The following KIF1B variants were observed in gnomAD, a reference collection of about 807,000 sequenced individuals.
The protein encoded by KIF1B is kinesin family member 1B, also known as kinesin-like protein KIF1B.
A neutral mutation model predicts 241.9 loss-of-function variants in KIF1B; 76 were observed. The observed-to-expected ratio is 0.31, with a 90% confidence interval of 0.26 to 0.38. The LOEUF is 0.38. Ranked by LOEUF, KIF1B falls within the 10% of genes least tolerant of loss-of-function variation. The probability of loss-of-function intolerance (pLI) is 1.00; values close to 1 mark genes in which losing one functional copy is unlikely to be tolerated. For missense variants in KIF1B, 1,622 were observed against 2,271.4 expected (o/e 0.71, Z 5.81); for synonymous variants, 750 against 796.7 (o/e 0.94, Z 0.99).
rs949742159 is a variant in KIF1B at position 10,365,754 on chromosome 1, G to T, written c.4752+106G>T. ...CTTTGTTCGAGGTGTTTGAAGGCCTGTGATAATACTGTGAATGTAGAAATA... is the reference window on the plus strand; with the variant it reads ...CTTTGTTCGAGGTGTTTGAAGGCCTTTGATAATACTGTGAATGTAGAAATA... On this transcript the variant is annotated intron_variant, in intron 43 of 48. Transcript: ENST00000676179. The surrounding 1 kb of genome is among the most constrained non-coding windows in gnomAD (Gnocchi z 4.0). 8 of 1,455,278 alleles carry T rather than the reference G, an allele frequency of 5.5e-6. No individual in the cohort carries two copies. The highest frequency in any genetic ancestry group is 7.6e-6 in the Non-Finnish European group (8 of 1,049,764). 90.1% of individuals were successfully genotyped at this position (1,455,278 alleles called of 1,614,324 possible). A position where few individuals can be genotyped will look rare whatever the true frequency, so the allele number is the denominator to read the frequency against.
Position 10,232,324 on chromosome 1 carries a change from T to C in KIF1B, c.-5T>C, listed in dbSNP as rs200491456. 3.8e-5 allele frequency: 61 copies of C among 1,602,244 alleles called. No individual in the cohort carries two copies. In the Middle Eastern group the frequency reaches 1.5e-3, roughly 39 times the overall value. On this transcript the variant is annotated 5_prime_UTR_variant, in exon 2 of 49. Coordinates refer to ENST00000676179, the MANE Select transcript of KIF1B (RefSeq NM_001365951.3). ...TGCATATATATATATAACAAGGCCA[T>C]TAAAATGTCGGGAGCCTCAGTGAAG...
intron 16 of KIF1B, 59 bp downstream of exon 16, chr1:10,291,220 A>G (rs1649980896): frequency 4.3e-6 from 5 of 1,157,238 alleles, no homozygotes; most frequent in Middle Eastern, 2.0e-4. Flanking sequence ...GGATTACTTT[A>G]TCGTAAGAAA....
At chr1:10,217,788 A>T (rs1215739086) in intron 1 of KIF1B, among the ~76,000 whole-genome samples, 1 of 142,056 alleles carries the variant, frequency 7.0e-6, no homozygotes, top group East Asian at 2.1e-4. Context: ...GAACCCCCTG[A>T]CTTTGCTGTA....
chr1:10,283,603 C>T (rs1325860078), intron 15 of KIF1B, among the ~76,000 whole-genome samples: 1 of 152,258 alleles, frequency 6.6e-6, no homozygotes, highest in South Asian at 2.1e-4. Flanking sequence ...GAAAGCTGTT[C>T]AGGAATCCTG....
At chr1:10,265,200 T>TTTTATTTATTTA (rs148747154) in intron 5 of KIF1B, among the ~76,000 whole-genome samples, 53 of 138,502 alleles carry the variant, frequency 3.8e-4, no homozygotes, top group Non-Finnish European at 5.2e-4. Context: ...TTAAAATGGA[T>TTTTATTTATTTA]TTTATTTATT....
chr1:10,220,204 C>CAAAAA (rs36083785), intron 1 of KIF1B, among the ~76,000 whole-genome samples: 10 of 105,772 alleles, frequency 9.5e-5, no homozygotes, highest in Non-Finnish European at 2.0e-4. Context: ...AACTCCGTCT[C>CAAAAA]AAAAAAAAAA....
intron 2 of KIF1B, among the ~76,000 whole-genome samples, chr1:10,253,294 C>G (rs1313074305): frequency 1.3e-5 from 2 of 152,080 alleles, no homozygotes; most frequent in Non-Finnish European, 2.9e-5. Flanking sequence ...GTTTATCTAT[C>G]TGTAAAATGG....
chr1:10,372,646 CCAGCTTGGGTGA>C, intron 45 of KIF1B, among the ~76,000 whole-genome samples: 1 of 125,406 alleles, frequency 8.0e-6, no homozygotes, highest in East Asian at 2.8e-4. Flanking sequence ...CCGCTGCGCG[CCAGCTTGGGTGA>C]CAGAGCTGTC....
chr1:10,291,727 A>G (rs1042033316), intron 16 of KIF1B, among the ~76,000 whole-genome samples: 6 of 151,774 alleles, frequency 4.0e-5, no homozygotes, highest in African/African-American at 1.5e-4. Context: ...AAAAAAAGGA[A>G]TAGCCTCTTC....
intron 10 of KIF1B, among the ~76,000 whole-genome samples, chr1:10,273,709 C>CAAAAAAAAAAAAAA (rs56349613): frequency 1.2e-4 from 6 of 49,578 alleles, no homozygotes; most frequent in African/African-American, 4.7e-4. Flanking sequence ...TCCTCCTCCT[C>CAAAAAAAAAAAAAA]AAAAAAAAAA....
chr1:10,261,531 C>T (rs898272788), intron 4 of KIF1B, among the ~76,000 whole-genome samples: 2 of 152,122 alleles, frequency 1.3e-5, no homozygotes, highest in African/African-American at 4.8e-5. Flanking sequence ...CATGAGCCAC[C>T]TTGCCCAGCC....
At chr1:10,246,689 A>G (rs1647218774) in intron 2 of KIF1B, among the ~76,000 whole-genome samples, 1 of 152,150 alleles carries the variant, frequency 6.6e-6, no homozygotes, top group African/African-American at 2.4e-5. Context: ...GTTTGCAGTG[A>G]GCTGAGATCG....
chr1:10,354,010 T>A (rs185027718), intron 38 of KIF1B, among the ~76,000 whole-genome samples: 2 of 152,328 alleles, frequency 1.3e-5, no homozygotes, highest in Admixed American at 1.3e-4. Flanking sequence ...TAGTAAAATA[T>A]ACAGGGAAAG....
At chr1:10,229,610 A>T (rs1164083152) in intron 1 of KIF1B, among the ~76,000 whole-genome samples, 1 of 152,002 alleles carries the variant, frequency 6.6e-6, no homozygotes, top group Non-Finnish European at 1.5e-5. Flanking sequence ...TAATCCCAGC[A>T]CTTTGGGAGG....
At chr1:10,230,146 G>C (rs1646961976) in intron 1 of KIF1B, among the ~76,000 whole-genome samples, 1 of 152,118 alleles carries the variant, frequency 6.6e-6, no homozygotes, top group South Asian at 2.1e-4. Context: ...CTGTACAGTA[G>C]CCTGGACGGG....
At chr1:10,320,812 C>T (rs894661460) in intron 23 of KIF1B, among the ~76,000 whole-genome samples, 10 of 89,346 alleles carry the variant, frequency 1.1e-4, no homozygotes, top group African/African-American at 3.8e-4. Context: ...CTGCAACCTC[C>T]GCCTCCTGCC....
Position 10,361,807 on chromosome 1 carries a change from A to G in KIF1B, c.4286A>G (p.Tyr1429Cys), listed in dbSNP as rs1638431432. The G allele has an allele frequency of 6.2e-7, 1 of 1,614,060 alleles. No individual in the cohort carries two copies. Among genetic ancestry groups the G allele is most frequent in the East Asian group, 2.2e-5 (1 of 44,882 alleles). ...RSLRSLFGSG[Y>C]SKSPDSNRVT... The stretch of plus-strand genomic sequence containing the variant: ...CTGCGTAGCCTCTTTGGCAGCGGCT[A>G]CTCAAAGTCACCAGATTCGTAAGTT... Residue 1429 changes from tyrosine (Y) to cysteine (C), a missense_variant, in exon 40 of 49, where the codon TAC becomes TGC. By Grantham distance (194) the Tyr-to-Cys change is radical (BLOSUM62 -2). Coordinates refer to ENST00000676179, the MANE Select transcript of KIF1B (RefSeq NM_001365951.3).
chr1:10,341,802 C>T (rs1652401692), intron 32 of KIF1B, among the ~76,000 whole-genome samples: 1 of 152,010 alleles, frequency 6.6e-6, no homozygotes, highest in Admixed American at 6.6e-5. Flanking sequence ...GATACTGTCT[C>T]TACAAAAAAT....
chr1:10,342,101 A>T lies in KIF1B; in HGVS notation c.3565A>T (p.Ile1189Phe). The change falls in exon 33 of 49, where the codon ATT becomes TTT. Residue 1189 changes from isoleucine (I) to phenylalanine (F), a missense_variant. Around this residue, in one of 7 missense-constraint regions of KIF1B, gnomAD observed 803 missense variants for 1,112.0 expected, o/e 0.72. Coordinates refer to ENST00000676179, the MANE Select transcript of KIF1B (RefSeq NM_001365951.3). ...SFVDYIKTKPIVFEVFGHYQQ... is the reference protein window; with the variant it reads ...SFVDYIKTKPFVFEVFGHYQQ... ...TGTGGATTACATCAAAACCAAGCCT[A>T]TTGTATTTGAAGTCTTTGGGCATTA... 6.2e-7 allele frequency: 1 copy of T among 1,613,884 alleles called. No individual in the cohort carries two copies. The highest frequency in any genetic ancestry group is 1.1e-5 in the South Asian group (1 of 91,082).
Sources: allele counts gnomAD v4.1 joint callset (sites outside exome capture counted in the v4.1 genomes callset), GRCh38; gene constraint gnomAD v4.1.1; regional missense constraint gnomAD v4.1.1; non-coding constraint Gnocchi (gnomAD v3.1); transcripts MANE v1.5; gene names NCBI Gene and HGNC (gene_info 2026-07-23, HGNC 2026-07-21).